Variants in ITM2C observed in about 807,000 individuals in gnomAD.
The protein encoded by ITM2C is BRICHOS domain containing 2C.
Under a neutral mutation model 30.0 loss-of-function variants are expected in ITM2C, and 20 were observed. The ratio of observed to expected loss-of-function variants is 0.67; its 90% CI spans 0.47 to 0.97. The LOEUF (loss-of-function observed/expected upper bound fraction) is 0.97, where lower values mean the gene tolerates loss of function less well. Among genes scored for constraint, ITM2C ranks in the 50% least tolerant of loss-of-function variants. ITM2C has a pLI of 0.00. For missense variants in ITM2C, 366 were observed against 371.9 expected (o/e 0.98, Z 0.13); for synonymous variants, 167 against 156.4 (o/e 1.07, Z -0.51).
rs1261212421 is a variant in ITM2C at position 230,877,752 on chromosome 2, T to C, written c.712+202T>C. Among the ~76,000 whole-genome samples the C allele has an allele frequency of 6.6e-6, 1 of 152,218 alleles. No homozygotes were observed. Among genetic ancestry groups the C allele is most frequent in the East Asian group, 1.9e-4 (1 of 5,202 alleles). ...TAAGTCATTCTCATCCTCATTATTA[T>C]TTTTGCTGCCCATTTTAAAGATGAG... On this transcript the variant is annotated intron_variant, in intron 5 of 5. Transcript: ENST00000326427. This position sits in a 1 kb window ranked among gnomAD's most constrained non-coding sequence, Gnocchi z 4.8.
intron 1 of ITM2C, among the ~76,000 whole-genome samples, chr2:230,872,596 G>A (rs1382749767): frequency 2.6e-5 from 4 of 152,112 alleles, no homozygotes; most frequent in African/African-American, 4.8e-5. Flanking sequence ...CTGGCCTTCC[G>A]GACAGCCACA....
At chr2:230,869,062 G>C (rs909716740) in intron 1 of ITM2C, among the ~76,000 whole-genome samples, 4 of 152,208 alleles carry the variant, frequency 2.6e-5, no homozygotes, top group Admixed American at 2.0e-4. Context: ...GTTTCTCTTA[G>C]TGTGGAGAAA....
At chr2:230,876,795 C>A in intron 3 of ITM2C, 62 bp from the exon 4 acceptor site, 1 of 1,162,540 alleles carries the variant, frequency 8.6e-7, no homozygotes, top group Non-Finnish European at 1.3e-6. Context: ...AAGCTTCTTG[C>A]AGCCCTGCCT....
chr2:230,873,709 C>T lies in ITM2C; in HGVS notation c.261+152C>T, dbSNP rs1014670589. The T allele has an allele frequency of 8.6e-6, 6 of 700,458 alleles. No homozygotes were observed. The African/African-American group carries it at 9.2e-5, about 11-fold the overall frequency. The allele number at this position is 700,458 out of a possible 1,614,324, so 43.4% of individuals were successfully genotyped here. ...CGGCCAGCCCACAAGACTGGGGTGC[C>T]CCCTCCTCCTTGGGGCCTCCTTGGA... On this transcript the variant is annotated intron_variant, in intron 2 of 5. Transcript: ENST00000326427.
chr2:230,874,767 G>A (rs1257826624), intron 2 of ITM2C, among the ~76,000 whole-genome samples: 1 of 152,210 alleles, frequency 6.6e-6, no homozygotes, highest in Admixed American at 6.5e-5. Context: ...TCCCAAGCAT[G>A]TATCTACAGG....
intron 1 of ITM2C, among the ~76,000 whole-genome samples, chr2:230,866,150 A>C (rs1042878904): frequency 6.6e-6 from 1 of 151,838 alleles, no homozygotes; most frequent in Non-Finnish European, 1.5e-5. Context: ...GCCAGGTTTT[A>C]TTGTGCCTGG....
At chr2:230,873,788 G>C (rs557401165) in intron 2 of ITM2C, among the ~76,000 whole-genome samples, 2 of 152,232 alleles carry the variant, frequency 1.3e-5, no homozygotes, top group Admixed American at 6.5e-5. Context: ...GCATGAATCC[G>C]GGTGACAGCA....
In ITM2C at chr2:230,877,297, G is replaced by A. The variant is rs1697327765; in HGVS notation, c.562-103G>A. The A allele has an allele frequency of 8.0e-7, 1 of 1,249,092 alleles. No individual in the cohort carries two copies. The highest frequency in any genetic ancestry group is 1.9e-5 in the Admixed American group (1 of 52,500). 77.4% of individuals were successfully genotyped at this position (1,249,092 alleles called of 1,614,324 possible). A position where few individuals can be genotyped will look rare whatever the true frequency, so the allele number is the denominator to read the frequency against. On this transcript the variant is annotated intron_variant, in intron 4 of 5. Coordinates refer to ENST00000326427, the MANE Select transcript of ITM2C (RefSeq NM_030926.6). The surrounding 1 kb of genome is among the most constrained non-coding windows in gnomAD (Gnocchi z 4.8). ...GTGCCTGAGGACATCAGAAGGGCCA[G>A]CCCAGGGGCCTCTGGAGGAGGGAGG...
chr2:230,868,037 G>A (rs1044332575), intron 1 of ITM2C, among the ~76,000 whole-genome samples: 9 of 148,272 alleles, frequency 6.1e-5, no homozygotes, highest in Non-Finnish European at 9.0e-5. Flanking sequence ...ATGATTGTGC[G>A]TTGGGGCAGT....
Position 230,878,054 on chromosome 2 carries a change from C to G in ITM2C, c.759C>G (p.Phe253Leu). 1 of 1,608,690 alleles carries G rather than the reference C, an allele frequency of 6.2e-7. No homozygotes were observed. Among genetic ancestry groups the G allele is most frequent in the Non-Finnish European group, 8.5e-7 (1 of 1,177,168 alleles). ...AGAACTGCAATGCCATCCGCCACTT[C>G]GAGAACACCTTCGTGGTGGAGACGC... Reference protein sequence around the residue: ...GAKNCNAIRHFENTFVVETLI... With the variant: ...GAKNCNAIRHLENTFVVETLI... The change falls in exon 6 of 6, where the codon TTC (phenylalanine) becomes TTG (leucine). Residue 253 changes from phenylalanine to leucine, a missense_variant. Coordinates refer to ENST00000326427, the MANE Select transcript of ITM2C (RefSeq NM_030926.6). The surrounding 1 kb of genome is among the most constrained non-coding windows in gnomAD (Gnocchi z 4.5).
intron 2 of ITM2C, 30 bp from the exon 3 acceptor site, chr2:230,875,590 A>T (rs1553537798): frequency 1.9e-6 from 3 of 1,563,460 alleles, no homozygotes; most frequent in Non-Finnish European, 1.7e-6. Context: ...AGCCTCTCTG[A>T]CTGTCTGTCT....
intron 1 of ITM2C, among the ~76,000 whole-genome samples, chr2:230,872,120 A>G (rs1043002823): frequency 6.6e-6 from 1 of 152,244 alleles, no homozygotes; most frequent in Admixed American, 6.5e-5. Context: ...CGAGGCCCAG[A>G]AAGTGCTAAG....
intron 3 of ITM2C, 40 bp from the exon 4 acceptor site, chr2:230,876,817 C>T: frequency 7.2e-7 from 1 of 1,396,810 alleles, no homozygotes; most frequent in Non-Finnish European, 1.0e-6. Context: ...GGTCAGCTGT[C>T]ACCTCCTGCA....
rs1696993148 is a variant in ITM2C at position 230,865,114 on chromosome 2, C to T, written c.89C>T (p.Ser30Leu). Residue 30 changes from serine to leucine, a missense_variant, in exon 1 of 6, where the codon TCG becomes TTG. Ser to Leu is a moderately radical substitution (Grantham distance 145). Transcript: ENST00000326427. This position sits in a 1 kb window ranked among gnomAD's most constrained non-coding sequence, Gnocchi z 6.8. ...KASASAPAPA[S>L]ATEILLTPAR... ...TCGGCGTCGGCCCCTGCGCCGGCCTCGGCCACCGAGATCCTGCTGACGCCG... is the reference window on the plus strand; with the variant it reads ...TCGGCGTCGGCCCCTGCGCCGGCCTTGGCCACCGAGATCCTGCTGACGCCG... The T allele has an allele frequency of 6.6e-7, 1 of 1,505,076 alleles. No homozygotes were observed. Among genetic ancestry groups the T allele is most frequent in the Non-Finnish European group, 8.9e-7 (1 of 1,120,990 alleles). The allele number at this position is 1,505,076 out of a possible 1,614,324, so 93.2% of individuals were successfully genotyped here.
At chr2:230,873,315 A>C (rs1298179893) in intron 1 of ITM2C, 102 bp from the exon 2 acceptor site, 1 of 1,199,848 alleles carries the variant, frequency 8.3e-7, no homozygotes, top group South Asian at 2.0e-5. Flanking sequence ...TTCCCCCAAG[A>C]CTCCCTCCGG....
intron 1 of ITM2C, among the ~76,000 whole-genome samples, chr2:230,871,086 G>T (rs1411079222): frequency 6.6e-6 from 1 of 152,184 alleles, no homozygotes; most frequent in Admixed American, 6.5e-5. Context: ...TCTTTGTCTC[G>T]TTTAATCCCA....
rs780377757 is a variant in ITM2C at position 230,877,453 on chromosome 2, G to A, written c.615G>A (p.Thr205=). ...TYIIQEEMVV[T]EHVSDKEALG... is the part of the protein sequence containing the mutation. ...TCATCCAGGAGGAGATGGTGGTCAC[G>A]GAGCATGTCAGTGACAAGGAGGCCC... Residue 205 remains threonine (T), a synonymous_variant, in exon 5 of 6, where the codon ACG becomes ACA. Transcript: ENST00000326427. The surrounding 1 kb of genome is among the most constrained non-coding windows in gnomAD (Gnocchi z 4.8). The A allele has an allele frequency of 6.3e-5, 101 of 1,613,660 alleles. No individual in the cohort carries two copies. Among genetic ancestry groups the A allele is most frequent in the Non-Finnish European group, 8.1e-5 (96 of 1,179,748 alleles).
At position 230,875,827 on chromosome 2, in the gene ITM2C, T is replaced by A; in HGVS notation, c.450+19T>A. The A allele has an allele frequency of 1.2e-5, 2 of 161,054 alleles. No homozygotes were observed. The highest frequency in any genetic ancestry group is 1.2e-5 in the Non-Finnish European group (1 of 85,512). The allele number at this position is 161,054 out of a possible 1,614,324, so 10.0% of individuals were successfully genotyped here. A position where few individuals can be genotyped will look rare whatever the true frequency, so the allele number is the denominator to read the frequency against. On this transcript the variant is annotated intron_variant, in intron 3 of 5. Transcript: ENST00000326427. ...CCAGCGGGTGAGGCTGGCCAGGGCCTGGGGGTGGGGGGTGGGAGGGTGTCC... is the reference window on the plus strand; with the variant it reads ...CCAGCGGGTGAGGCTGGCCAGGGCCAGGGGGTGGGGGGTGGGAGGGTGTCC...
intron 1 of ITM2C, among the ~76,000 whole-genome samples, chr2:230,871,408 G>A (rs560721282): frequency 6.6e-6 from 1 of 152,352 alleles, no homozygotes; most frequent in East Asian, 1.9e-4. Context: ...TGTCACCCCC[G>A]TCTCTTGCTG....
Sources: allele counts gnomAD v4.1 joint callset (sites outside exome capture counted in the v4.1 genomes callset), GRCh38; gene constraint gnomAD v4.1.1; non-coding constraint Gnocchi (gnomAD v3.1); transcripts MANE v1.5; gene names NCBI Gene and HGNC (gene_info 2026-07-23, HGNC 2026-07-21).